Variants in AGPAT3 observed in about 807,000 individuals in gnomAD.
The protein encoded by AGPAT3 is 1-acylglycerol-3-phosphate O-acyltransferase 3, also known as 1-acyl-sn-glycerol-3-phosphate acyltransferase gamma.
Under a neutral mutation model 47.3 loss-of-function variants are expected in AGPAT3, and 5 were observed. The ratio of observed to expected loss-of-function variants is 0.11; its 90% CI spans 0.06 to 0.22. The LOEUF is 0.22. AGPAT3 is among the 10% of genes least tolerant of loss of function. The pLI, the probability that AGPAT3 is intolerant of heterozygous loss-of-function variation, is 1.00. For missense variants in AGPAT3, 315 were observed against 493.0 expected (o/e 0.64, Z 3.42); for synonymous variants, 212 against 208.3 (o/e 1.02, Z -0.15).
chr21:43,873,832 T>C (rs2085676668), intron 1 of AGPAT3, among the ~76,000 whole-genome samples: 1 of 152,218 alleles, frequency 6.6e-6, no homozygotes, highest in Admixed American at 6.5e-5. Context: ...TTATTAGTGT[T>C]CACAAAGAAC....
At chr21:43,938,316 CTTTTTTTTTTTT>C (rs57776186) in intron 2 of AGPAT3, among the ~76,000 whole-genome samples, 2 of 70,538 alleles carry the variant, frequency 2.8e-5, no homozygotes, top group Non-Finnish European at 5.2e-5. Context: ...ATCTGCAAAT[CTTTTTTTTTTTT>C]TTTTTTTTTT....
At chr21:43,945,524 G>A (rs185079916) in intron 2 of AGPAT3, among the ~76,000 whole-genome samples, 86 of 152,230 alleles carry the variant, frequency 5.6e-4, no homozygotes, top group Non-Finnish European at 1.1e-3. Flanking sequence ...GACGATGGCC[G>A]AGGTTCAGGG....
chr21:43,933,051 C>T lies in AGPAT3; in HGVS notation c.-48-26583C>T, dbSNP rs1356033441. 6.6e-6 allele frequency among the ~76,000 whole-genome samples: 1 copy of T among 152,248 alleles called. No homozygotes were observed. Among genetic ancestry groups the T allele is most frequent in the African/African-American group, 2.4e-5 (1 of 41,464 alleles). The stretch of plus-strand genomic sequence containing the variant: ...CCTCACAGCGTGCCAGGTGCCTTTT[C>T]TCTGCGTTCTCGTCAACACCTGTTA... On this transcript the variant is annotated intron_variant, in intron 2 of 9. Coordinates refer to ENST00000291572, the MANE Select transcript of AGPAT3 (RefSeq NM_020132.5). The surrounding 1 kb of genome is among the most constrained non-coding windows in gnomAD (Gnocchi z 6.0).
At chr21:43,974,013 TAATG>T (rs535348090) in intron 7 of AGPAT3, among the ~76,000 whole-genome samples, 123 of 152,330 alleles carry the variant, frequency 8.1e-4, no homozygotes, top group African/African-American at 2.6e-3. Context: ...ATATGTTTCA[TAATG>T]TATGTAACAG....
intron 2 of AGPAT3, among the ~76,000 whole-genome samples, chr21:43,926,521 G>A (rs545533915): frequency 1.2e-4 from 18 of 152,216 alleles, no homozygotes; most frequent in Middle Eastern, 3.4e-3. Flanking sequence ...GGGGCCACGC[G>A]TGCACGAGAG....
Position 43,920,507 on chromosome 21 carries a change from G to A in AGPAT3, c.-49+16488G>A, listed in dbSNP as rs111597979. On this transcript the variant is annotated intron_variant, in intron 2 of 9. Coordinates refer to ENST00000291572, the MANE Select transcript of AGPAT3 (RefSeq NM_020132.5). The surrounding 1 kb of genome is among the most constrained non-coding windows in gnomAD (Gnocchi z 6.1). ...GAGGTGACTGTGGCTGGGGCTCCAG[G>A]ACAGCCTCCTGGGGGACTGGTTGCC... Among the ~76,000 whole-genome samples, 28 of 152,240 alleles carry A rather than the reference G, an allele frequency of 1.8e-4. No homozygotes were observed. The highest frequency in any genetic ancestry group is 6.5e-4 in the African/African-American group (27 of 41,532).
chr21:43,917,006 T>C (rs2146138267), intron 2 of AGPAT3, among the ~76,000 whole-genome samples: 1 of 152,234 alleles, frequency 6.6e-6, no homozygotes. Flanking sequence ...CTAGGAACAG[T>C]GACGGTGGCA....
intron 1 of AGPAT3, among the ~76,000 whole-genome samples, chr21:43,875,592 T>C: frequency 6.6e-6 from 1 of 152,216 alleles, no homozygotes; most frequent in East Asian, 1.9e-4. Flanking sequence ...CATCTCCATC[T>C]ACTGTGCTAT....
At chr21:43,959,612 G>A in intron 2 of AGPAT3, 22 bp from the exon 3 acceptor site, 1 of 1,599,720 alleles carries the variant, frequency 6.3e-7, no homozygotes, top group East Asian at 2.2e-5. Context: ...CCCTGACGCT[G>A]TCCCTGTCCC....
rs780676677 is a variant in AGPAT3 at position 43,970,694 on chromosome 21, G to A, written c.552G>A (p.Lys184=). Reference sequence around the variant, plus strand: ...AGGGGACGCGCTTCACGGAGACCAAGCACCGCGTTAGCATGGAGGTGGCGG... The same window carrying A: ...AGGGGACGCGCTTCACGGAGACCAAACACCGCGTTAGCATGGAGGTGGCGG... The part of the protein sequence containing the change: ...YCEGTRFTET[K]HRVSMEVAAA... Residue 184 remains lysine, a synonymous_variant, in exon 6 of 10, where the codon AAG becomes AAA. Transcript: ENST00000291572. This position sits in a 1 kb window ranked among gnomAD's most constrained non-coding sequence, Gnocchi z 5.8. 6.2e-7 allele frequency: 1 copy of A among 1,613,906 alleles called. No homozygotes were observed. The highest frequency in any genetic ancestry group is 1.3e-5 in the African/African-American group (1 of 75,028).
chr21:43,935,909 CTA>C (rs2087429485), intron 2 of AGPAT3, among the ~76,000 whole-genome samples: 1 of 152,184 alleles, frequency 6.6e-6, no homozygotes, highest in African/African-American at 2.4e-5. Context: ...TCCAGGTGCG[CTA>C]AGCAAACAGA....
intron 1 of AGPAT3, among the ~76,000 whole-genome samples, chr21:43,900,003 G>C (rs1384396195): frequency 6.6e-6 from 1 of 152,192 alleles, no homozygotes; most frequent in Non-Finnish European, 1.5e-5. Context: ...TTTAACGTGG[G>C]CAGGCAAATA....
chr21:43,979,253 C>T lies in AGPAT3; in HGVS notation c.843+1132C>T, dbSNP rs1454413525. On this transcript the variant is annotated intron_variant, in intron 8 of 9. Coordinates refer to ENST00000291572, the MANE Select transcript of AGPAT3 (RefSeq NM_020132.5). ...AGGTGGGGGTTGCAGGAGCCAGGAT[C>T]GCCCCATTGCACTGCAGCCTGGGCA... Among the ~76,000 whole-genome samples the T allele has an allele frequency of 5.4e-5, 8 of 147,416 alleles. No individual in the cohort carries two copies. In the South Asian group the frequency reaches 6.5e-4, roughly 12 times the overall value.
At position 43,954,305 on chromosome 21, in the gene AGPAT3, C is replaced by T. The variant is rs779113544; in HGVS notation, c.-48-5329C>T. Among the ~76,000 whole-genome samples the T allele has an allele frequency of 6.6e-6, 1 of 152,070 alleles. No individual in the cohort carries two copies. Among genetic ancestry groups the T allele is most frequent in the African/African-American group, 2.4e-5 (1 of 41,404 alleles). The stretch of plus-strand genomic sequence containing the variant: ...GTCAGGTTTATCAAGGAGGTCCAGG[C>T]GGGCTGGGTGTGGGGAGGTGGAACA... On this transcript the variant is annotated intron_variant, in intron 2 of 9. Transcript: ENST00000291572. The surrounding 1 kb of genome is among the most constrained non-coding windows in gnomAD (Gnocchi z 4.0).
intron 2 of AGPAT3, among the ~76,000 whole-genome samples, chr21:43,937,556 T>G (rs140579289): frequency 2.8e-4 from 43 of 152,214 alleles, no homozygotes; most frequent in African/African-American, 9.6e-4. Flanking sequence ...AAAAGGGAGT[T>G]TTTTTTGTTT....
At chr21:43,942,596 A>T (rs1159677840) in intron 2 of AGPAT3, among the ~76,000 whole-genome samples, 1 of 152,226 alleles carries the variant, frequency 6.6e-6, no homozygotes, top group East Asian at 1.9e-4. Flanking sequence ...CTCGGTCCAC[A>T]TGAAAAGAGC....
intron 2 of AGPAT3, among the ~76,000 whole-genome samples, chr21:43,913,391 C>G (rs2086665937): frequency 6.6e-6 from 1 of 151,960 alleles, no homozygotes; most frequent in Admixed American, 6.6e-5. Flanking sequence ...TTGAGACCAG[C>G]CTGGGCAACA....
rs182911796 is a variant in AGPAT3 at position 43,948,832 on chromosome 21, G to A, written c.-48-10802G>A. Among the ~76,000 whole-genome samples, 78 of 152,306 alleles carry A rather than the reference G, an allele frequency of 5.1e-4. 1 individual carries two copies. In the East Asian group the frequency reaches 0.015, roughly 29 times the overall value. Reference sequence around the variant, plus strand: ...TGTGAGATGTGTGTTGTTGACGAACGTGTAGTCAGTGCTTCATGCACATGG... The same window carrying A: ...TGTGAGATGTGTGTTGTTGACGAACATGTAGTCAGTGCTTCATGCACATGG... On this transcript the variant is annotated intron_variant, in intron 2 of 9. Coordinates refer to ENST00000291572, the MANE Select transcript of AGPAT3 (RefSeq NM_020132.5).
In AGPAT3 at chr21:43,880,919, C is replaced by T. The variant is rs1262053398; in HGVS notation, c.-112+15574C>T. ...GTTCGTAGCAAGGAAGATTTGTTTT[C>T]AGGCTGGTGGTTTGATTACAAGTTG... On this transcript the variant is annotated intron_variant, in intron 1 of 9. Coordinates refer to ENST00000291572, the MANE Select transcript of AGPAT3 (RefSeq NM_020132.5). This position sits in a 1 kb window ranked among gnomAD's most constrained non-coding sequence, Gnocchi z 4.5. Among the ~76,000 whole-genome samples, 2 of 151,690 alleles carry T rather than the reference C, an allele frequency of 1.3e-5. No homozygotes were observed. The highest frequency in any genetic ancestry group is 2.9e-5 in the Non-Finnish European group (2 of 67,994).
Sources: allele counts gnomAD v4.1 joint callset (sites outside exome capture counted in the v4.1 genomes callset), GRCh38; gene constraint gnomAD v4.1.1; non-coding constraint Gnocchi (gnomAD v3.1); transcripts MANE v1.5; gene names NCBI Gene and HGNC (gene_info 2026-07-23, HGNC 2026-07-21).